The following IMMP2L variants were observed in gnomAD, a reference collection of about 807,000 sequenced individuals.
IMMP2L encodes inner mitochondrial membrane peptidase subunit 2.
In IMMP2L, 18 loss-of-function variants were observed where a neutral mutation model predicts 19.3. The observed-to-expected ratio is 0.93, with a 90% CI of 0.64 to 1.38. The LOEUF is 1.38. IMMP2L is among the 40% of genes most tolerant of loss of function. The pLI, the probability that IMMP2L is intolerant of heterozygous loss-of-function variation, is 0.00. For missense variants in IMMP2L, 233 were observed against 218.2 expected, an observed-to-expected ratio of 1.07 and a Z score of -0.43; for synonymous variants, 76 against 73.0, an observed-to-expected ratio of 1.04 and a Z score of -0.21.
chr7:110,939,356 A>C (rs1816466746), intron 4 of IMMP2L, among the ~76,000 whole-genome samples: 1 of 139,102 alleles, frequency 7.2e-6, no homozygotes, highest in African/African-American at 2.7e-5. Context: ...GTTTGGCCAG[A>C]TTTTTAAAAC....
At chr7:110,851,640 G>A (rs1403332558) in intron 5 of IMMP2L, among the ~76,000 whole-genome samples, 1 of 152,024 alleles carries the variant, frequency 6.6e-6, no homozygotes, top group Non-Finnish European at 1.5e-5. Flanking sequence ...AAAGGAGAAG[G>A]GAAATGAGGC....
chr7:111,119,654 T>C (rs1800344465), intron 3 of IMMP2L, among the ~76,000 whole-genome samples: 1 of 152,204 alleles, frequency 6.6e-6, no homozygotes, highest in Non-Finnish European at 1.5e-5. Context: ...ATAGAATTAC[T>C]TAAGTAACAT....
chr7:111,197,499 A>G (rs899406909), intron 3 of IMMP2L, among the ~76,000 whole-genome samples: 1 of 152,102 alleles, frequency 6.6e-6, no homozygotes, highest in Non-Finnish European at 1.5e-5. Context: ...AAATGAACCA[A>G]GTATTTATAG....
intron 3 of IMMP2L, among the ~76,000 whole-genome samples, chr7:111,007,052 AT>A (rs1404198542): frequency 3.3e-5 from 5 of 152,078 alleles, no homozygotes; most frequent in East Asian, 1.9e-4. Context: ...AGACTGAGTA[AT>A]TTATCAAGGA....
chr7:111,350,744 A>G (rs539558162), intron 3 of IMMP2L, among the ~76,000 whole-genome samples: 1 of 152,238 alleles, frequency 6.6e-6, no homozygotes, highest in South Asian at 2.1e-4. Flanking sequence ...AAAATAATCC[A>G]TAACATTTAA....
intron 3 of IMMP2L, among the ~76,000 whole-genome samples, chr7:111,474,789 A>G (rs1460783742): frequency 6.6e-6 from 1 of 151,962 alleles, no homozygotes; most frequent in East Asian, 1.9e-4. Context: ...AAGCTTTCCT[A>G]TTATTTCTTC....
intron 3 of IMMP2L, among the ~76,000 whole-genome samples, chr7:111,324,327 A>T (rs1825078427): frequency 6.6e-6 from 1 of 151,996 alleles, no homozygotes; most frequent in African/African-American, 2.4e-5. Flanking sequence ...AGAGGAAAAG[A>T]AATCTATTGT....
At chr7:110,804,305 A>G (rs1801467973) in intron 5 of IMMP2L, among the ~76,000 whole-genome samples, 1 of 152,026 alleles carries the variant, frequency 6.6e-6, no homozygotes, top group Admixed American at 6.6e-5. Context: ...AGAACCTCCT[A>G]TACACCAAAT....
rs928049487 is a variant in IMMP2L at position 111,056,640 on chromosome 7, G to A, written c.240-93075C>T. Among the ~76,000 whole-genome samples the A allele has an allele frequency of 5.3e-5, 8 of 152,252 alleles. No individual in the cohort carries two copies. In the East Asian group the frequency reaches 1.5e-3, roughly 29 times the overall value. ...AAAATTTAACTACCAACAGCCTACT[G>A]TTGACCTGAAGCCTTACTGATAAAT... is the stretch of plus-strand genomic sequence containing the variant. On this transcript the variant is annotated intron_variant, in intron 3 of 5. Coordinates refer to ENST00000405709, the MANE Select transcript of IMMP2L (RefSeq NM_032549.4).
At chr7:111,335,740 T>C (rs1267042749) in intron 3 of IMMP2L, among the ~76,000 whole-genome samples, 1 of 152,154 alleles carries the variant, frequency 6.6e-6, no homozygotes, top group East Asian at 1.9e-4. Flanking sequence ...TCTCTAACAT[T>C]TATTGTGACA....
At chr7:111,450,775 C>G (rs901093120) in intron 3 of IMMP2L, among the ~76,000 whole-genome samples, 21 of 151,106 alleles carry the variant, frequency 1.4e-4, no homozygotes, top group Non-Finnish European at 2.5e-4. Context: ...AACAGGCAAC[C>G]TACAACATGG....
rs577664391 is a variant in IMMP2L at position 111,548,957 on chromosome 7, GA to G, written c.-3+12893del. Reference sequence around the variant, plus strand: ...GCAACATAATTTATGCTTTTGGAAGGAAGACTAACATCTCAAGCTGACAACT... The same window carrying G: ...GCAACATAATTTATGCTTTTGGAAGGAGACTAACATCTCAAGCTGACAACT... On this transcript the variant is annotated intron_variant, in intron 1 of 5. Transcript: ENST00000405709. Among the ~76,000 whole-genome samples the G allele has an allele frequency of 5.9e-3, 897 of 152,204 alleles. 7 individuals carry two copies. The highest frequency in any genetic ancestry group is 0.027 in the Middle Eastern group (8 of 294).
intron 5 of IMMP2L, among the ~76,000 whole-genome samples, chr7:110,837,114 A>G (rs1041907658): frequency 2.0e-5 from 3 of 152,186 alleles, no homozygotes; most frequent in Admixed American, 1.3e-4. Flanking sequence ...CTGCTCATCA[A>G]TAGAGAAATG....
intron 5 of IMMP2L, among the ~76,000 whole-genome samples, chr7:110,716,012 A>G (rs1795213120): frequency 6.6e-6 from 1 of 152,036 alleles, no homozygotes; most frequent in Non-Finnish European, 1.5e-5. Context: ...TCATTATGTA[A>G]TGCCCTTCTT....
intron 5 of IMMP2L, among the ~76,000 whole-genome samples, chr7:110,699,323 A>T (rs1265851670): frequency 6.6e-6 from 1 of 152,222 alleles, no homozygotes; most frequent in African/African-American, 2.4e-5. Flanking sequence ...ATATTAGGAC[A>T]AAGAGCCTAT....
chr7:110,911,466 A>G (rs1249599641), intron 4 of IMMP2L, among the ~76,000 whole-genome samples: 1 of 152,164 alleles, frequency 6.6e-6, no homozygotes, highest in Non-Finnish European at 1.5e-5. Flanking sequence ...CATGAACATG[A>G]AAACAGAAGA....
intron 3 of IMMP2L, among the ~76,000 whole-genome samples, chr7:111,047,175 GTTTTTTTTTT>G (rs759675524): frequency 0.077 from 11,285 of 146,760 alleles, 589 homozygotes; most frequent in Middle Eastern, 0.17. Flanking sequence ...TGTCTTTTTT[GTTTTTTTTTT>G]GTTTTTTTTT....
At chr7:110,859,310 G>A (rs1436051093) in intron 5 of IMMP2L, among the ~76,000 whole-genome samples, 2 of 151,972 alleles carry the variant, frequency 1.3e-5, no homozygotes, top group East Asian at 1.9e-4. Context: ...CTTGAGTGCT[G>A]TCTGGTATCT....
chr7:111,089,010 A>C, intron 3 of IMMP2L, among the ~76,000 whole-genome samples: 1 of 152,174 alleles, frequency 6.6e-6, no homozygotes, highest in East Asian at 1.9e-4. Context: ...AAATGAGTAT[A>C]AAATATTTTA....
Sources: gnomAD v4.1 joint callset for allele counts (sites outside exome capture counted in the v4.1 genomes callset) on GRCh38, gnomAD v4.1.1 for gene constraint, MANE v1.5 for transcripts, NCBI Gene and HGNC (gene_info 2026-07-23, HGNC 2026-07-21) for gene names.